ADARB2: variants seen among roughly 807,000 people sequenced by gnomAD.
The protein encoded by ADARB2 is adenosine deaminase RNA specific B2 (inactive), also known as inactive double-stranded RNA-specific editase B2.
Under a neutral mutation model 62.2 loss-of-function variants are expected in ADARB2, and 25 were observed. That is an observed-to-expected ratio of 0.40 (90% CI 0.29 to 0.56). The LOEUF is 0.56. Among genes scored for constraint, ADARB2 ranks in the 20% least tolerant of loss-of-function variants. The pLI, the probability that ADARB2 is intolerant of heterozygous loss-of-function variation, is 0.43. For missense variants in ADARB2, 1,071 were observed against 1,077.4 expected, an observed-to-expected ratio of 0.99 and a Z score of 0.08; for synonymous variants, 572 against 500.8, an observed-to-expected ratio of 1.14 and a Z score of -1.90.
chr10:1,722,094 CAGTT>C (rs1835100436), intron 1 of ADARB2, among the ~76,000 whole-genome samples: 1 of 152,102 alleles, frequency 6.6e-6, no homozygotes, highest in African/African-American at 2.4e-5. Context: ...CTATTTTAGT[CAGTT>C]GGTGTGTCAT....
intron 5 of ADARB2, among the ~76,000 whole-genome samples, chr10:1,241,158 T>G (rs1365435317): frequency 1.3e-5 from 2 of 150,940 alleles, no homozygotes; most frequent in Non-Finnish European, 3.0e-5. Context: ...ACTCAGGAGG[T>G]TGAGGTGGGA....
At chr10:1,271,996 C>T (rs920064636) in intron 3 of ADARB2, among the ~76,000 whole-genome samples, 4 of 152,192 alleles carry the variant, frequency 2.6e-5, no homozygotes, top group South Asian at 2.1e-4. Context: ...ATGGTGTTTT[C>T]GTAAGGATTA....
chr10:1,475,754 GAT>G (rs938845592), intron 1 of ADARB2, among the ~76,000 whole-genome samples: 5 of 152,208 alleles, frequency 3.3e-5, no homozygotes, highest in Admixed American at 2.0e-4. Context: ...TTTGAAGAGA[GAT>G]AGGGCTGCCC....
At chr10:1,550,876 T>C (rs1256429363) in intron 1 of ADARB2, among the ~76,000 whole-genome samples, 2 of 151,974 alleles carry the variant, frequency 1.3e-5, no homozygotes, top group African/African-American at 2.4e-5. Flanking sequence ...CGAGCCCTGT[T>C]TGTGCCGCAA....
intron 1 of ADARB2, among the ~76,000 whole-genome samples, chr10:1,520,816 T>C (rs1189919252): frequency 6.6e-6 from 1 of 152,250 alleles, no homozygotes; most frequent in Non-Finnish European, 1.5e-5. Context: ...CAGAGAACAC[T>C]ATTTTCTACA....
intron 1 of ADARB2, among the ~76,000 whole-genome samples, chr10:1,725,128 A>T (rs1466372720): frequency 6.6e-6 from 1 of 152,220 alleles, no homozygotes; most frequent in African/African-American, 2.4e-5. Context: ...CAACCAGATG[A>T]ACCTGCCAGG....
chr10:1,401,203 G>A (rs958247814), intron 1 of ADARB2, among the ~76,000 whole-genome samples: 6 of 152,206 alleles, frequency 3.9e-5, no homozygotes, highest in Admixed American at 2.6e-4. Flanking sequence ...AGCAGCTGAG[G>A]GACCCACTGT....
rs1831063305 is a variant in ADARB2, at chr10:1,453,596, T to C, written c.101-74436A>G. ...AATGGGAGAAAATACTTGCAAATCA[T>C]AGATCTGATACGAATTGGTTTCTAG... On this transcript the variant is annotated intron_variant, in intron 1 of 9. Coordinates refer to ENST00000381312, the MANE Select transcript of ADARB2 (RefSeq NM_018702.4). 2.0e-5 allele frequency among the ~76,000 whole-genome samples: 3 copies of C among 152,198 alleles called. No individual in the cohort carries two copies. In the South Asian group the frequency reaches 6.2e-4, roughly 31 times the overall value.
intron 3 of ADARB2, among the ~76,000 whole-genome samples, chr10:1,320,174 G>A (rs923426347): frequency 2.0e-5 from 3 of 152,216 alleles, no homozygotes; most frequent in Non-Finnish European, 4.4e-5. Context: ...AGCATGCATT[G>A]AAGTTGAGTC....
chr10:1,717,065 CAT>C (rs1360249282), intron 1 of ADARB2, among the ~76,000 whole-genome samples: 2 of 63,034 alleles, frequency 3.2e-5, no homozygotes, highest in Admixed American at 3.6e-4. Context: ...ATTCTGATCA[CAT>C]GTTATTCTGA....
intron 3 of ADARB2, chr10:1,361,267 G>C (rs970639639): frequency 1.3e-5 from 2 of 151,570 alleles, no homozygotes; most frequent in East Asian, 2.0e-4. Context: ...GCTACAGAGA[G>C]TGTAGAAACA....
chr10:1,505,272 C>T (rs1403136285), intron 1 of ADARB2, among the ~76,000 whole-genome samples: 1 of 152,192 alleles, frequency 6.6e-6, no homozygotes, highest in Non-Finnish European at 1.5e-5. Context: ...CTCGCATTGC[C>T]CCATTTAACC....
At chr10:1,197,588 A>G (rs1836927212) in intron 8 of ADARB2, among the ~76,000 whole-genome samples, 1 of 152,236 alleles carries the variant, frequency 6.6e-6, no homozygotes, top group Admixed American at 6.5e-5. Flanking sequence ...CATCACGTGA[A>G]CATAAACCAA....
intron 3 of ADARB2, among the ~76,000 whole-genome samples, chr10:1,346,706 C>T (rs1402562322): frequency 6.6e-6 from 1 of 152,266 alleles, no homozygotes; most frequent in Non-Finnish European, 1.5e-5. Flanking sequence ...CACCCCGTCT[C>T]CTGCTCCAGA....
chr10:1,361,484 T>G (rs1249638539), intron 3 of ADARB2: 1 of 152,146 alleles, frequency 6.6e-6, no homozygotes, highest in African/African-American at 2.4e-5. Context: ...TCTAAATGCC[T>G]CTAACCCACT....
At chr10:1,209,753 C>T (rs546621355) in intron 7 of ADARB2, among the ~76,000 whole-genome samples, 4 of 152,314 alleles carry the variant, frequency 2.6e-5, no homozygotes, top group Non-Finnish European at 5.9e-5. Context: ...CTGTCATCCA[C>T]ACCCTTTCCC....
At chr10:1,707,702 TTA>T (rs1349557673) in intron 1 of ADARB2, among the ~76,000 whole-genome samples, 1 of 152,152 alleles carries the variant, frequency 6.6e-6, no homozygotes, top group Non-Finnish European at 1.5e-5. Context: ...TTCGGCACAG[TTA>T]GACTTCTCCA....
rs12249705 is a variant in ADARB2 at position 1,477,489 on chromosome 10, C to T, written c.101-98329G>A. ...TGTGCTGCCCATTGCTTTCTTGCAA[C>T]GTATCTTCGTGCTTTCTCTAATAAA... On this transcript the variant is annotated intron_variant, in intron 1 of 9. Transcript: ENST00000381312. This position sits in a 1 kb window ranked among gnomAD's most constrained non-coding sequence, Gnocchi z 4.5. Among the ~76,000 whole-genome samples, 593 of 152,276 alleles carry T rather than the reference C, an allele frequency of 3.9e-3. 1 individual carries two copies. The highest frequency in any genetic ancestry group is 0.013 in the African/African-American group (553 of 41,554).
intron 1 of ADARB2, among the ~76,000 whole-genome samples, chr10:1,685,965 A>T (rs571451616): frequency 6.6e-6 from 1 of 151,920 alleles, no homozygotes; most frequent in Non-Finnish European, 1.5e-5. Flanking sequence ...TGGCTTGGAC[A>T]CTCCCACACC....
Sources: allele counts gnomAD v4.1 joint callset (sites outside exome capture counted in the v4.1 genomes callset), GRCh38; gene constraint gnomAD v4.1.1; non-coding constraint Gnocchi (gnomAD v3.1); transcripts MANE v1.5; gene names NCBI Gene and HGNC (gene_info 2026-07-23, HGNC 2026-07-21).